The following ST7 variants were observed in gnomAD, a reference collection of about 807,000 sequenced individuals.
ST7 encodes suppressor of tumorigenicity 7 protein.
A neutral mutation model predicts 78.7 loss-of-function variants in ST7; 28 were observed. That is an observed-to-expected ratio of 0.36 (90% CI 0.26 to 0.49). The LOEUF (loss-of-function observed/expected upper bound fraction) is 0.49, where lower values mean the gene tolerates loss of function less well. Ranked by LOEUF, ST7 falls within the 20% of genes least tolerant of loss-of-function variation. ST7 has a pLI of 0.99. For synonymous variants in ST7, 247 were observed against 249.6 expected, an observed-to-expected ratio of 0.99 and a Z score of 0.10; for missense variants, 418 against 696.0, an observed-to-expected ratio of 0.60 and a Z score of 4.49.
At chr7:117,039,827 A>T (rs1203100589) in intron 1 of ST7, among the ~76,000 whole-genome samples, 1 of 151,802 alleles carries the variant, frequency 6.6e-6, no homozygotes, top group Non-Finnish European at 1.5e-5. Flanking sequence ...TCTGACTTGA[A>T]CTCATTCTGG....
intron 1 of ST7, among the ~76,000 whole-genome samples, chr7:116,958,209 T>G (rs1428961778): frequency 1.3e-5 from 2 of 149,020 alleles, no homozygotes; most frequent in Non-Finnish European, 3.0e-5. Context: ...TCCCCTGTGT[T>G]CTTGAACTCC....
intron 1 of ST7, among the ~76,000 whole-genome samples, chr7:117,082,289 A>G (rs1376071764): frequency 6.6e-6 from 1 of 152,206 alleles, no homozygotes; most frequent in Non-Finnish European, 1.5e-5. Flanking sequence ...ATGCTCATAT[A>G]GAAACACCCA....
In ST7 at chr7:116,956,455, C is replaced by T. The variant is rs1175683307; in HGVS notation, c.151+2764C>T. 2.3e-5 allele frequency: 11 copies of T among 470,924 alleles called. No homozygotes were observed. The East Asian group carries it at 7.6e-4, about 33-fold the overall frequency. The allele number at this position is 470,924 out of a possible 1,614,324, so 29.2% of individuals were successfully genotyped here. A position where few individuals can be genotyped will look rare whatever the true frequency, so the allele number is the denominator to read the frequency against. ...GTGCTTACTCTTCCTGTGATGAAGG[C>T]AAGTGTGTTCCTGGAGAGGTTACTG... is the stretch of plus-strand genomic sequence containing the variant. On this transcript the variant is annotated intron_variant, in intron 1 of 15. Coordinates refer to ENST00000323984, the MANE Select transcript of ST7 (RefSeq NM_001369598.1).
chr7:117,183,520 A>G (rs899818540), intron 10 of ST7, among the ~76,000 whole-genome samples: 5 of 152,112 alleles, frequency 3.3e-5, no homozygotes, highest in African/African-American at 1.2e-4. Context: ...TCACTTATGT[A>G]TATACCCATG....
intron 2 of ST7, among the ~76,000 whole-genome samples, chr7:117,100,172 T>G (rs1801462104): frequency 6.6e-6 from 1 of 152,136 alleles, no homozygotes; most frequent in Non-Finnish European, 1.5e-5. Context: ...TCAGTTCAAC[T>G]AAAAATCATC....
At chr7:117,058,359 T>C (rs533810627) in intron 1 of ST7, among the ~76,000 whole-genome samples, 1 of 152,218 alleles carries the variant, frequency 6.6e-6, no homozygotes, top group African/African-American at 2.4e-5. Context: ...TGGAAATTAA[T>C]GATCAGTTTG....
At chr7:117,157,964 C>T (rs1437270212) in intron 9 of ST7, among the ~76,000 whole-genome samples, 1 of 152,166 alleles carries the variant, frequency 6.6e-6, no homozygotes, top group African/African-American at 2.4e-5. Context: ...GGTTATAAAT[C>T]GTTCTTTTCC....
chr7:117,217,269 A>G (rs1053755229), intron 13 of ST7, among the ~76,000 whole-genome samples: 1 of 150,828 alleles, frequency 6.6e-6, no homozygotes, highest in Non-Finnish European at 1.5e-5. Flanking sequence ...CCCTTTGCAC[A>G]TGGAGAATCT....
At chr7:117,064,744 C>T (rs1273834107) in intron 1 of ST7, among the ~76,000 whole-genome samples, 1 of 152,156 alleles carries the variant, frequency 6.6e-6, no homozygotes, top group Non-Finnish European at 1.5e-5. Flanking sequence ...GAAAAGCTTT[C>T]TCTTAAAATA....
At chr7:117,057,498 A>G (rs1216416936) in intron 1 of ST7, among the ~76,000 whole-genome samples, 1 of 152,198 alleles carries the variant, frequency 6.6e-6, no homozygotes, top group African/African-American at 2.4e-5. Flanking sequence ...ACTTGTTTAC[A>G]TGCTGTGAGT....
chr7:117,206,881 A>G (rs1165979996), intron 12 of ST7, among the ~76,000 whole-genome samples: 2 of 152,318 alleles, frequency 1.3e-5, no homozygotes, highest in Middle Eastern at 3.4e-3. Context: ...TTCCGTGATC[A>G]TGGAAATATT....
chr7:116,982,961 C>T (rs1454971360), intron 1 of ST7, among the ~76,000 whole-genome samples: 1 of 152,088 alleles, frequency 6.6e-6, no homozygotes, highest in African/African-American at 2.4e-5. Flanking sequence ...TGCAATGGTG[C>T]AGTCTCAGCT....
At chr7:116,968,979 T>C (rs1466273220) in intron 1 of ST7, among the ~76,000 whole-genome samples, 1 of 152,212 alleles carries the variant, frequency 6.6e-6, no homozygotes, top group Non-Finnish European at 1.5e-5. Flanking sequence ...TTTACCTGTA[T>C]AGAAAGGGAC....
intron 1 of ST7, among the ~76,000 whole-genome samples, chr7:117,008,969 T>C (rs1795267465): frequency 1.3e-5 from 2 of 152,204 alleles, no homozygotes; most frequent in Non-Finnish European, 2.9e-5. Flanking sequence ...TCAAAGTTTA[T>C]AAATAAAGTT....
chr7:117,066,864 C>A lies in ST7; in HGVS notation c.152-32898C>A, dbSNP rs539241426. On this transcript the variant is annotated intron_variant, in intron 1 of 15. Coordinates refer to ENST00000323984, the MANE Select transcript of ST7 (RefSeq NM_001369598.1). ...CTATCTAATTTTAGAGTATTTTCAT[C>A]ACCCCAGAAAGAGACTCTATACCCA... 9.2e-5 allele frequency among the ~76,000 whole-genome samples: 14 copies of A among 151,366 alleles called. 1 individual carries two copies. The highest frequency in any genetic ancestry group is 3.4e-4 in the African/African-American group (14 of 41,278).
chr7:117,137,318 A>T (rs1804873931), intron 8 of ST7: 1 of 152,174 alleles, frequency 6.6e-6, no homozygotes, highest in Admixed American at 6.6e-5. Context: ...CAGCATATAT[A>T]TGCTAATAAA....
chr7:117,125,013 CA>C (rs1410628375), intron 3 of ST7, among the ~76,000 whole-genome samples: 1 of 152,102 alleles, frequency 6.6e-6, no homozygotes, highest in African/African-American at 2.4e-5. Context: ...TGCTACATGT[CA>C]AGGACCTTTC....
intron 10 of ST7, among the ~76,000 whole-genome samples, chr7:117,180,573 A>G (rs961441355): frequency 1.3e-5 from 2 of 152,222 alleles, no homozygotes; most frequent in African/African-American, 2.4e-5. Flanking sequence ...AAATAAATAA[A>G]TAAAAGGAAT....
At chr7:117,152,201 A>G (rs1419353036) in intron 9 of ST7, among the ~76,000 whole-genome samples, 3 of 76,164 alleles carry the variant, frequency 3.9e-5, no homozygotes, top group Non-Finnish European at 8.2e-5. Context: ...ATATATATAT[A>G]TATATATATA....
Sources: gnomAD v4.1 joint callset for allele counts (sites outside exome capture counted in the v4.1 genomes callset) on GRCh38, gnomAD v4.1.1 for gene constraint, MANE v1.5 for transcripts, NCBI Gene and HGNC (gene_info 2026-07-23, HGNC 2026-07-21) for gene names.